The following MIPOL1 variants were observed in gnomAD, a reference collection of about 807,000 sequenced individuals.
The protein encoded by MIPOL1 is mirror-image polydactyly gene 1 protein.
In MIPOL1, 57 loss-of-function variants were observed where a neutral mutation model predicts 60.9. That is an observed-to-expected ratio of 0.94 (90% CI 0.76 to 1.17). The LOEUF (loss-of-function observed/expected upper bound fraction) is 1.17, where lower values mean the gene tolerates loss of function less well. MIPOL1 is among the 50% of genes most tolerant of loss of function. The pLI is 0.00. For missense variants in MIPOL1, 551 were observed against 511.6 expected (o/e 1.08, Z -0.74); for synonymous variants, 179 against 168.8 (o/e 1.06, Z -0.47).
chr14:37,399,876 C>T (rs1423260464), intron 10 of MIPOL1: 1 of 152,154 alleles, frequency 6.6e-6, no homozygotes, highest in Non-Finnish European at 1.5e-5. Context: ...TTCCCCCAAA[C>T]CTGGTCACCT....
intron 11 of MIPOL1, among the ~76,000 whole-genome samples, chr14:37,489,003 A>G (rs995682694): frequency 2.0e-5 from 3 of 152,062 alleles, no homozygotes; most frequent in African/African-American, 7.2e-5. Flanking sequence ...AGGTTGGGGA[A>G]TTTCTCCTCG....
intron 1 of MIPOL1, among the ~76,000 whole-genome samples, chr14:37,224,204 G>C (rs1377313267): frequency 6.6e-6 from 1 of 152,202 alleles, no homozygotes; most frequent in Admixed American, 6.5e-5. Flanking sequence ...TACCAGGCAG[G>C]TGTGGTGGCT....
At chr14:37,526,934 A>G (rs1032929073) in intron 12 of MIPOL1, among the ~76,000 whole-genome samples, 9 of 152,186 alleles carry the variant, frequency 5.9e-5, no homozygotes, top group African/African-American at 1.9e-4. Context: ...ATTCACTACT[A>G]TTGAGTAAGT....
chr14:37,438,788 G>A (rs1373554813), intron 11 of MIPOL1, among the ~76,000 whole-genome samples: 1 of 152,114 alleles, frequency 6.6e-6, no homozygotes, highest in Non-Finnish European at 1.5e-5. Context: ...CACGCCCTTT[G>A]ATTTTTTTTG....
chr14:37,499,688 T>C (rs1366856299), intron 11 of MIPOL1, among the ~76,000 whole-genome samples: 1 of 152,212 alleles, frequency 6.6e-6, no homozygotes, highest in Non-Finnish European at 1.5e-5. Context: ...CATCTTTTTG[T>C]ATGCTTTGGT....
Position 37,475,276 on chromosome 14 carries a change from T to G in MIPOL1, c.1032-24632T>G, listed in dbSNP as rs113797740. 3.6e-3 allele frequency among the ~76,000 whole-genome samples: 553 copies of G among 152,282 alleles called. 5 individuals are homozygous for G. The highest frequency in any genetic ancestry group is 0.012 in the African/African-American group (487 of 41,556). ...ATTTTTAAAATTAAGTTATTTATTT[T>G]CTTATTGTTGATTTTAAAGAGTTCT... is the stretch of plus-strand genomic sequence containing the variant. On this transcript the variant is annotated intron_variant, in intron 11 of 12. Coordinates refer to ENST00000684589, the MANE Select transcript of MIPOL1 (RefSeq NM_001388067.1).
intron 3 of MIPOL1, among the ~76,000 whole-genome samples, chr14:37,258,070 T>C (rs1297015162): frequency 6.6e-6 from 1 of 152,152 alleles, no homozygotes; most frequent in Non-Finnish European, 1.5e-5. Flanking sequence ...TTACCTATAC[T>C]TCAAAGTTTC....
intron 9 of MIPOL1, among the ~76,000 whole-genome samples, chr14:37,312,328 C>A (rs979836696): frequency 6.6e-6 from 1 of 152,100 alleles, no homozygotes; most frequent in Non-Finnish European, 1.5e-5. Flanking sequence ...CCAAGGTGGT[C>A]TAGAACTCCT....
rs188988155 is a variant in MIPOL1, at chr14:37,232,795, G to A, written c.-198-14308G>A. ...GCCTGCCAACATATTTTCTAATTCTGGAGATCAAGCAAATTTGATTTTCAT... is the reference window on the plus strand; with the variant it reads ...GCCTGCCAACATATTTTCTAATTCTAGAGATCAAGCAAATTTGATTTTCAT... On this transcript the variant is annotated intron_variant, in intron 1 of 12. Transcript: ENST00000684589. Among the ~76,000 whole-genome samples the A allele has an allele frequency of 1.9e-4, 29 of 152,214 alleles. 1 individual carries two copies. The East Asian group carries it at 3.9e-3, about 20-fold the overall frequency.
intron 10 of MIPOL1, among the ~76,000 whole-genome samples, chr14:37,378,544 G>A (rs1024069113): frequency 6.6e-6 from 1 of 151,952 alleles, no homozygotes; most frequent in South Asian, 2.1e-4. Context: ...AGGTAACAAG[G>A]GGGTATTTCT....
chr14:37,358,744 C>T (rs930893517), intron 9 of MIPOL1, among the ~76,000 whole-genome samples: 1 of 152,052 alleles, frequency 6.6e-6, no homozygotes, highest in Non-Finnish European at 1.5e-5. Context: ...CCCTTTGTCA[C>T]ATAGGTAGAT....
chr14:37,293,865 T>C (rs548327241), intron 7 of MIPOL1, among the ~76,000 whole-genome samples: 11 of 152,344 alleles, frequency 7.2e-5, no homozygotes, highest in African/African-American at 2.6e-4. Flanking sequence ...CCTGCCTCTG[T>C]AGGCTCCACC....
intron 9 of MIPOL1, among the ~76,000 whole-genome samples, chr14:37,319,481 A>C (rs1269720726): frequency 2.0e-5 from 3 of 152,066 alleles, no homozygotes; most frequent in African/African-American, 7.2e-5. Context: ...AGAAAGTGCT[A>C]CTCTTGAGGA....
At chr14:37,364,736 A>G (rs1327757583) in intron 9 of MIPOL1, among the ~76,000 whole-genome samples, 1 of 151,776 alleles carries the variant, frequency 6.6e-6, no homozygotes, top group African/African-American at 2.4e-5. Context: ...ACATTTTGGG[A>G]TTGTTTTTTC....
chr14:37,222,386 CTTTT>C (rs199520941), intron 1 of MIPOL1, among the ~76,000 whole-genome samples: 1 of 132,974 alleles, frequency 7.5e-6, no homozygotes, highest in South Asian at 2.4e-4. Flanking sequence ...ACACACCTGG[CTTTT>C]TTTTTTTTTT....
intron 1 of MIPOL1, among the ~76,000 whole-genome samples, chr14:37,231,436 T>C (rs779727621): frequency 6.6e-6 from 1 of 152,168 alleles, no homozygotes; most frequent in Non-Finnish European, 1.5e-5. Context: ...TTGCACTCAA[T>C]GATTTGCCAA....
chr14:37,260,446 T>C (rs574101578), intron 3 of MIPOL1, among the ~76,000 whole-genome samples: 41 of 152,260 alleles, frequency 2.7e-4, no homozygotes, highest in African/African-American at 9.6e-4. Flanking sequence ...TGTGTAACTA[T>C]TCTCTATTCT....
rs536361889 is a variant in MIPOL1, at chr14:37,269,435, G to A, written c.387+642G>A. Among the ~76,000 whole-genome samples, 4 of 150,968 alleles carry A rather than the reference G, an allele frequency of 2.6e-5. No homozygotes were observed. In the South Asian group the frequency reaches 6.3e-4, roughly 24 times the overall value. On this transcript the variant is annotated intron_variant, in intron 5 of 12. Transcript: ENST00000684589. ...GCTCTGATTTTAATATTCTAGTTGTGTAACCTAATCAAACTGAAGCATGAT... is the reference window on the plus strand; with the variant it reads ...GCTCTGATTTTAATATTCTAGTTGTATAACCTAATCAAACTGAAGCATGAT...
chr14:37,444,960 G>A (rs887608583), intron 11 of MIPOL1, among the ~76,000 whole-genome samples: 1 of 152,136 alleles, frequency 6.6e-6, no homozygotes, highest in African/African-American at 2.4e-5. Context: ...CAAACCCACA[G>A]CCAATATCAT....
Sources: allele counts gnomAD v4.1 joint callset (sites outside exome capture counted in the v4.1 genomes callset), GRCh38; gene constraint gnomAD v4.1.1; transcripts MANE v1.5; gene names NCBI Gene and HGNC (gene_info 2026-07-23, HGNC 2026-07-21).